PRDM13: variants seen among roughly 807,000 people sequenced by gnomAD.
PRDM13 encodes the protein PR domain zinc finger protein 13.
PRDM13 carries 15 observed loss-of-function variants against 36.4 expected under a neutral mutation model. The ratio of observed to expected loss-of-function variants is 0.41; its 90% CI spans 0.28 to 0.64. The LOEUF is 0.64. PRDM13 is among the 30% of genes least tolerant of loss of function. The probability of loss-of-function intolerance (pLI) is 0.29; values close to 1 mark genes in which losing one functional copy is unlikely to be tolerated. For synonymous variants in PRDM13, 531 were observed against 467.7 expected, an observed-to-expected ratio of 1.14 and a Z score of -1.75; for missense variants, 1,044 against 1,013.5, an observed-to-expected ratio of 1.03 and a Z score of -0.41.
In PRDM13 at chr6:99,613,345, C is replaced by T. The variant is rs200243118; in HGVS notation, c.710C>T (p.Ala237Val). Reference protein sequence around the residue: ...IKREASSAPSATSPTPGKWGQ... With the variant: ...IKREASSAPSVTSPTPGKWGQ... Reference sequence around the variant, plus strand: ...CGCGAGGCCTCTTCCGCGCCCTCGGCCACCTCGCCGACCCCAGGCAAGTGG... The same window carrying T: ...CGCGAGGCCTCTTCCGCGCCCTCGGTCACCTCGCCGACCCCAGGCAAGTGG... Residue 237 changes from alanine to valine, a missense_variant, in exon 4 of 4, where the codon GCC (alanine) becomes GTC (valine). Transcript: ENST00000369215. This position sits in a 1 kb window ranked among gnomAD's most constrained non-coding sequence, Gnocchi z 6.1. 9,564 of 1,548,668 alleles carry T rather than the reference C, an allele frequency of 6.2e-3. 54 individuals carry two copies. The highest frequency in any genetic ancestry group is 7.3e-3 in the Non-Finnish European group (8,403 of 1,152,710).
chr6:99,611,138 C>T (rs781678346), intron 3 of PRDM13, among the ~76,000 whole-genome samples: 7 of 152,072 alleles, frequency 4.6e-5, no homozygotes, highest in Non-Finnish European at 8.8e-5. Flanking sequence ...ATATATTAAA[C>T]GTATGCTGCT....
chr6:99,613,748 CCCG>C lies in PRDM13; in HGVS notation c.1131_1133del (p.Pro378del), dbSNP rs112674667. On this transcript the variant is annotated inframe_deletion, in exon 4 of 4. Coordinates refer to ENST00000369215, the MANE Select transcript of PRDM13 (RefSeq NM_021620.4). The surrounding 1 kb of genome is among the most constrained non-coding windows in gnomAD (Gnocchi z 6.1). ...ATCCCAAGTGCCTGCTCGCTGGGGA[CCCG>C]CCGCCGCCGCCGCCGCCTGGCCTGC... 2.5e-3 allele frequency: 3,339 copies of C among 1,327,512 alleles called. No individual in the cohort carries two copies. Among genetic ancestry groups the C allele is most frequent in the Admixed American group, 0.012 (496 of 40,142 alleles). 82.2% of individuals were successfully genotyped at this position (1,327,512 alleles called of 1,614,324 possible). A position where few individuals can be genotyped will look rare whatever the true frequency, so the allele number is the denominator to read the frequency against.
At position 99,607,082 on chromosome 6, in the gene PRDM13, C is replaced by T. The variant is rs776914532; in HGVS notation, c.48C>T (p.Cys16=). The T allele has an allele frequency of 2.3e-5, 37 of 1,613,326 alleles. No homozygotes were observed. Among genetic ancestry groups the T allele is most frequent in the Non-Finnish European group, 2.9e-5 (34 of 1,179,920 alleles). Reference sequence around the variant, plus strand: ...CAGCCACCAGCGTGAGTGCCGACTGCTGCATCCCGGCCGGCTTGCGCCTCG... The same window carrying T: ...CAGCCACCAGCGTGAGTGCCGACTGTTGCATCCCGGCCGGCTTGCGCCTCG... ...RAPATSVSAD[C]CIPAGLRLGP... The change falls in exon 1 of 4, where the codon TGC becomes TGT. Residue 16 remains cysteine, a synonymous_variant. Coordinates refer to ENST00000369215, the MANE Select transcript of PRDM13 (RefSeq NM_021620.4).
In PRDM13 at chr6:99,607,028, G is replaced by A. The variant is rs775059208; in HGVS notation, c.-7G>A. On this transcript the variant is annotated 5_prime_UTR_variant, in exon 1 of 4. Coordinates refer to ENST00000369215, the MANE Select transcript of PRDM13 (RefSeq NM_021620.4). The stretch of plus-strand genomic sequence containing the variant: ...ACCCGAGCGCCTGCCTGGTGGCGGC[G>A]GCAACAATGCACGGAGCCGCCAGAG... The A allele has an allele frequency of 1.4e-5, 23 of 1,604,594 alleles. No homozygotes were observed. The South Asian group carries it at 2.2e-4, about 15-fold the overall frequency.
At chr6:99,610,909 G>A (rs1489807091) in intron 3 of PRDM13, among the ~76,000 whole-genome samples, 1 of 152,116 alleles carries the variant, frequency 6.6e-6, no homozygotes, top group Non-Finnish European at 1.5e-5. Context: ...AACATCATAT[G>A]GTAACAGATG....
rs753735172 is a variant in PRDM13 at position 99,613,709 on chromosome 6, G to GCAC, written c.1086_1088dup (p.His363dup). 1.8e-5 allele frequency: 26 copies of GCAC among 1,460,376 alleles called. No homozygotes were observed. The highest frequency in any genetic ancestry group is 9.0e-5 in the South Asian group (7 of 77,664). The allele number at this position is 1,460,376 out of a possible 1,614,324, so 90.5% of individuals were successfully genotyped here. ...CGGGTCACCACCATCACCACCACGC[G>GCAC]CACCACCACCACCATCCCAAGTGCC... On this transcript the variant is annotated inframe_insertion, in exon 4 of 4. Transcript: ENST00000369215. This position sits in a 1 kb window ranked among gnomAD's most constrained non-coding sequence, Gnocchi z 6.1.
Position 99,613,479 on chromosome 6 carries a change from G to C in PRDM13, c.844G>C (p.Val282Leu), listed in dbSNP as rs1011273136. The change falls in exon 4 of 4, where the codon GTC becomes CTC. Residue 282 changes from valine (V) to leucine (L), a missense_variant. Transcript: ENST00000369215. The surrounding 1 kb of genome is among the most constrained non-coding windows in gnomAD (Gnocchi z 6.1). ...CATCGTGGGCGGCTCCTCGGCGGGG[G>C]TCGGCAGCCTGGCTTTCTACCCCGG... ...LGIVGGSSAG[V>L]GSLAFYPGVR... is the part of the protein sequence containing the mutation. The C allele has an allele frequency of 8.5e-6, 13 of 1,532,244 alleles. No individual in the cohort carries two copies. In the Middle Eastern group the frequency reaches 6.8e-4, roughly 81 times the overall value. The allele number at this position is 1,532,244 out of a possible 1,614,324, so 94.9% of individuals were successfully genotyped here.
intron 3 of PRDM13, among the ~76,000 whole-genome samples, chr6:99,612,736 T>C (rs199500136): frequency 1.3e-5 from 2 of 152,358 alleles, no homozygotes; most frequent in East Asian, 1.9e-4. Flanking sequence ...CCAGCCTGCC[T>C]GAGTGCTGCC....
At chr6:99,607,433 C>T (rs1011561238) in intron 1 of PRDM13, among the ~76,000 whole-genome samples, 1 of 152,012 alleles carries the variant, frequency 6.6e-6, no homozygotes, top group Non-Finnish European at 1.5e-5. Context: ...CTGTAGGTGC[C>T]GGGACCATTC....
chr6:99,613,748 C>T lies in PRDM13; in HGVS notation c.1113C>T (p.Asp371=). The T allele has an allele frequency of 6.8e-7, 1 of 1,475,892 alleles. No individual in the cohort carries two copies. The highest frequency in any genetic ancestry group is 8.9e-7 in the Non-Finnish European group (1 of 1,117,368). The allele number at this position is 1,475,892 out of a possible 1,614,324, so 91.4% of individuals were successfully genotyped here. ...HHHPKCLLAG[D]PPPPPPPGLP... is the part of the protein sequence containing the mutation. ...ATCCCAAGTGCCTGCTCGCTGGGGA[C>T]CCGCCGCCGCCGCCGCCGCCTGGCC... The change falls in exon 4 of 4, where the codon GAC becomes GAT. Residue 371 remains aspartate, a synonymous_variant. Transcript: ENST00000369215. This position sits in a 1 kb window ranked among gnomAD's most constrained non-coding sequence, Gnocchi z 6.1.
At position 99,613,655 on chromosome 6, in the gene PRDM13, G is replaced by A; in HGVS notation, c.1020G>A (p.Gly340=). The A allele has an allele frequency of 7.0e-7, 1 of 1,427,682 alleles. No homozygotes were observed. Among genetic ancestry groups the A allele is most frequent in the Non-Finnish European group, 9.0e-7 (1 of 1,106,288 alleles). The allele number at this position is 1,427,682 out of a possible 1,614,324, so 88.4% of individuals were successfully genotyped here. The change falls in exon 4 of 4, where the codon GGG becomes GGA. Residue 340 remains glycine, a synonymous_variant. Transcript: ENST00000369215. This position sits in a 1 kb window ranked among gnomAD's most constrained non-coding sequence, Gnocchi z 6.1. ...GGGGCCGGGCGTGCGGGCGCCCCGG[G>A]AGCGGGGAGAACTCGGCGGCGGGCG... ...LGGGRACGRP[G]SGENSAAGGA...
Position 99,614,654 on chromosome 6 carries a change from C to G in PRDM13, c.2019C>G (p.Pro673=), listed in dbSNP as rs1359515315. 1 of 1,612,306 alleles carries G rather than the reference C, an allele frequency of 6.2e-7. No homozygotes were observed. Among genetic ancestry groups the G allele is most frequent in the South Asian group, 1.1e-5 (1 of 91,022 alleles). The change falls in exon 4 of 4, where the codon CCC becomes CCG. Residue 673 remains proline, a synonymous_variant. Transcript: ENST00000369215. ...GCCCGGGTGCCGAGCCCGGCTATCC[C>G]CCGGAGCCTGGGGATCCCAAGAGCG... ...GDGPGAEPGY[P]PEPGDPKSDD...
rs9494888 is a variant in PRDM13 at position 99,613,722 on chromosome 6, C to A, written c.1087C>A (p.His363Asn). 7.2e-3 allele frequency: 10,719 copies of A among 1,492,004 alleles called. 755 individuals carry two copies. The African/African-American group carries it at 0.14, about 20-fold the overall frequency. 92.4% of individuals were successfully genotyped at this position (1,492,004 alleles called of 1,614,324 possible). ...HHHHHAHHHH[H>N]PKCLLAGDPP... ...TCACCACCACGCGCACCACCACCAC[C>A]ATCCCAAGTGCCTGCTCGCTGGGGA... The change falls in exon 4 of 4, where the codon CAT becomes AAT. Residue 363 changes from histidine to asparagine, a missense_variant. This residue lies in a region of PRDM13 where 921 missense variants were observed against 865.2 expected (regional missense o/e 1.06). Coordinates refer to ENST00000369215, the MANE Select transcript of PRDM13 (RefSeq NM_021620.4). The surrounding 1 kb of genome is among the most constrained non-coding windows in gnomAD (Gnocchi z 6.1).
chr6:99,608,996 C>A, intron 2 of PRDM13, 124 bp downstream of exon 2: 2 of 1,423,684 alleles, frequency 1.4e-6, no homozygotes, highest in Non-Finnish European at 9.4e-7. Context: ...ATTTAAACGT[C>A]TCGACAACCC....
At chr6:99,607,556 A>C (rs1402029212) in intron 1 of PRDM13, among the ~76,000 whole-genome samples, 1 of 152,184 alleles carries the variant, frequency 6.6e-6, no homozygotes, top group Non-Finnish European at 1.5e-5. Flanking sequence ...CTGGGGGCTC[A>C]GGGCATCGAG....
In PRDM13 at chr6:99,607,167, C is replaced by T; in HGVS notation, c.133C>T (p.Pro45Ser). 1 of 1,613,706 alleles carries T rather than the reference C, an allele frequency of 6.2e-7. No homozygotes were observed. The highest frequency in any genetic ancestry group is 2.2e-5 in the East Asian group (1 of 44,868). ...KYLSDRREPG[P>S]KKKVRMVRGE... Reference sequence around the variant, plus strand: ...CCTGTCAGACCGCAGGGAGCCCGGGCCTAAGAAAAAGGTATTGACCATTCA... The same window carrying T: ...CCTGTCAGACCGCAGGGAGCCCGGGTCTAAGAAAAAGGTATTGACCATTCA... Residue 45 changes from proline (P) to serine (S), a missense_variant, in exon 1 of 4, where the codon CCT becomes TCT. Pro to Ser is a moderately conservative substitution (Grantham distance 74, BLOSUM62 -1). This residue lies in a region of PRDM13 where 921 missense variants were observed against 865.2 expected (regional missense o/e 1.06). Coordinates refer to ENST00000369215, the MANE Select transcript of PRDM13 (RefSeq NM_021620.4).
At chr6:99,611,810 A>G (rs1770035785) in intron 3 of PRDM13, among the ~76,000 whole-genome samples, 1 of 152,216 alleles carries the variant, frequency 6.6e-6, no homozygotes, top group African/African-American at 2.4e-5. Context: ...TATATTTTGG[A>G]TATTTCCTTG....
Position 99,615,369 on chromosome 6 carries a change from A to G in PRDM13, c.*610A>G, listed in dbSNP as rs1321833070. 1.3e-5 allele frequency: 2 copies of G among 152,808 alleles called. No individual in the cohort carries two copies. The highest frequency in any genetic ancestry group is 2.9e-5 in the Non-Finnish European group (2 of 68,196). The allele number at this position is 152,808 out of a possible 1,614,324, so 9.5% of individuals were successfully genotyped here. A position where few individuals can be genotyped will look rare whatever the true frequency, so the allele number is the denominator to read the frequency against. ...TCAAGTTGCAATTATTTATGAGAAA[A>G]TAATGATAAATGTAAAATATCTAAA... On this transcript the variant is annotated 3_prime_UTR_variant, in exon 4 of 4. Coordinates refer to ENST00000369215, the MANE Select transcript of PRDM13 (RefSeq NM_021620.4).
Position 99,607,745 on chromosome 6 carries a change from T to C in PRDM13, c.144+567T>C, listed in dbSNP as rs567921205. Among the ~76,000 whole-genome samples the C allele has an allele frequency of 3.5e-4, 54 of 152,298 alleles. 3 individuals are homozygous for C. In the South Asian group the frequency reaches 0.011, roughly 32 times the overall value. The stretch of plus-strand genomic sequence containing the variant: ...GGGTATGCGGCATATGGAGAGAGGA[T>C]GAGCAAGGTACTGGCTCTGACGCGG... On this transcript the variant is annotated intron_variant, in intron 1 of 3. Coordinates refer to ENST00000369215, the MANE Select transcript of PRDM13 (RefSeq NM_021620.4).
Sources: allele counts gnomAD v4.1 joint callset (sites outside exome capture counted in the v4.1 genomes callset), GRCh38; gene constraint gnomAD v4.1.1; regional missense constraint gnomAD v4.1.1; non-coding constraint Gnocchi (gnomAD v3.1); transcripts MANE v1.5; gene names NCBI Gene and HGNC (gene_info 2026-07-23, HGNC 2026-07-21).